Variants in UBE4B observed in about 807,000 individuals in gnomAD.
UBE4B encodes ubiquitin conjugation factor E4 B.
Under a neutral mutation model 148.1 loss-of-function variants are expected in UBE4B, and 27 were observed. The observed-to-expected ratio is 0.18, with a 90% CI of 0.13 to 0.25. The LOEUF is 0.25. Among genes scored for constraint, UBE4B ranks in the 10% least tolerant of loss-of-function variants. The probability of loss-of-function intolerance (pLI) is 1.00; values close to 1 mark genes in which losing one functional copy is unlikely to be tolerated. For synonymous variants in UBE4B, 596 were observed against 619.3 expected (o/e 0.96, Z 0.56); for missense variants, 1,170 against 1,662.4 (o/e 0.70, Z 5.15).
intron 7 of UBE4B, among the ~76,000 whole-genome samples, chr1:10,113,188 G>T (rs1267282940): frequency 1.3e-5 from 2 of 152,172 alleles, no homozygotes; most frequent in Non-Finnish European, 2.9e-5. Context: ...CAGGTCACAT[G>T]GCGAGAGCAG....
intron 11 of UBE4B, among the ~76,000 whole-genome samples, chr1:10,127,513 C>G (rs1228193678): frequency 6.6e-6 from 1 of 152,126 alleles, no homozygotes; most frequent in Non-Finnish European, 1.5e-5. Context: ...TCTGAATTCG[C>G]TTATTTGAAA....
At chr1:10,044,590 C>G (rs1469718583) in intron 1 of UBE4B, among the ~76,000 whole-genome samples, 1 of 151,750 alleles carries the variant, frequency 6.6e-6, no homozygotes, top group Non-Finnish European at 1.5e-5. Flanking sequence ...CTCTCCTTCC[C>G]TCCTTCCACC....
chr1:10,153,490 T>TAAAAAAAAAAAA (rs1045427991), intron 21 of UBE4B, among the ~76,000 whole-genome samples: 19 of 49,196 alleles, frequency 3.9e-4, no homozygotes, highest in African/African-American at 1.6e-3. Flanking sequence ...ACCCTGTTTC[T>TAAAAAAAAAAAA]AAAAAAAAAA....
intron 3 of UBE4B, among the ~76,000 whole-genome samples, chr1:10,100,244 C>T (rs1287667311): frequency 2.0e-5 from 3 of 152,302 alleles, no homozygotes; most frequent in South Asian, 4.1e-4. Flanking sequence ...CCACCTCGGC[C>T]TCCCAAAGTG....
At chr1:10,104,817 T>A (rs187644453) in intron 5 of UBE4B, among the ~76,000 whole-genome samples, 153 of 152,248 alleles carry the variant, frequency 1.0e-3, no homozygotes, top group African/African-American at 3.5e-3. Context: ...GTCTTACACA[T>A]GTTAAGTGGC....
chr1:10,085,688 G>C (rs1310916157), intron 2 of UBE4B, among the ~76,000 whole-genome samples: 1 of 152,150 alleles, frequency 6.6e-6, no homozygotes, highest in Non-Finnish European at 1.5e-5. Context: ...ATTTTACAGA[G>C]AAACTGAGGT....
intron 11 of UBE4B, 135 bp downstream of exon 11, chr1:10,127,012 C>T: frequency 1.3e-6 from 1 of 776,390 alleles, no homozygotes; most frequent in Non-Finnish European, 2.1e-6. Flanking sequence ...CTGTGTTGGC[C>T]ATGCAGAGTG....
At chr1:10,145,240 A>G (rs980059327) in intron 18 of UBE4B, 21 of 412,196 alleles carry the variant, frequency 5.1e-5, no homozygotes, top group Middle Eastern at 1.3e-3. Context: ...AGGACAGAAT[A>G]TGGATAGATA....
At chr1:10,033,738 G>T (rs777653966) in intron 1 of UBE4B, 44 bp downstream of exon 1, 2 of 1,522,990 alleles carry the variant, frequency 1.3e-6, no homozygotes, top group Non-Finnish European at 1.8e-6. Context: ...TTGGCAACTC[G>T]TTAGCGCTTT....
intron 2 of UBE4B, among the ~76,000 whole-genome samples, chr1:10,075,146 G>GT (rs1644556686): frequency 6.6e-6 from 1 of 152,268 alleles, no homozygotes; most frequent in African/African-American, 2.4e-5. Context: ...GGTTAGAACT[G>GT]TTTATCTCTG....
At chr1:10,130,425 C>A in intron 12 of UBE4B, 75 bp from the exon 13 acceptor site, 1 of 1,184,924 alleles carries the variant, frequency 8.4e-7, no homozygotes, top group Non-Finnish European at 1.2e-6. Flanking sequence ...TACAGAGGAG[C>A]TGGAGAGTTT....
chr1:10,111,186 C>G (rs780829762), intron 7 of UBE4B, among the ~76,000 whole-genome samples: 12 of 150,816 alleles, frequency 8.0e-5, no homozygotes, highest in Non-Finnish European at 1.8e-4. Flanking sequence ...TCTACAAGGC[C>G]CTGCATCTCA....
At chr1:10,045,737 C>T (rs1028075875) in intron 1 of UBE4B, among the ~76,000 whole-genome samples, 1 of 151,990 alleles carries the variant, frequency 6.6e-6, no homozygotes, top group African/African-American at 2.4e-5. Flanking sequence ...GTGGGGGCCA[C>T]CAACTGGGGT....
intron 1 of UBE4B, among the ~76,000 whole-genome samples, chr1:10,064,832 C>T (rs2101819373): frequency 6.6e-6 from 1 of 150,902 alleles, no homozygotes; most frequent in South Asian, 2.1e-4. Context: ...GGTGCAATCT[C>T]TGCTCACTGC....
chr1:10,072,361 C>A, intron 2 of UBE4B, 147 bp downstream of exon 2: 1 of 945,120 alleles, frequency 1.1e-6, no homozygotes, highest in Non-Finnish European at 1.6e-6. Flanking sequence ...AATATCATTG[C>A]AATGTGTTGT....
intron 1 of UBE4B, among the ~76,000 whole-genome samples, chr1:10,067,401 TA>T (rs1364519066): frequency 2.6e-5 from 4 of 151,970 alleles, no homozygotes; most frequent in East Asian, 1.9e-4. Flanking sequence ...CTCTGTGAGA[TA>T]GGGGAAAACA....
chr1:10,176,018 C>T (rs867132024), intron 25 of UBE4B, among the ~76,000 whole-genome samples: 4 of 152,208 alleles, frequency 2.6e-5, no homozygotes, highest in Non-Finnish European at 4.4e-5. Flanking sequence ...CTGGCAACCA[C>T]AAATCTGCTG....
chr1:10,078,183 A>G (rs1644616186), intron 2 of UBE4B, among the ~76,000 whole-genome samples: 1 of 151,848 alleles, frequency 6.6e-6, no homozygotes, highest in South Asian at 2.1e-4. Flanking sequence ...TAATTTTTGT[A>G]TTTTTAGTAG....
chr1:10,034,223 C>T (rs1440213613), intron 1 of UBE4B, among the ~76,000 whole-genome samples: 3 of 152,154 alleles, frequency 2.0e-5, no homozygotes, highest in Non-Finnish European at 4.4e-5. Flanking sequence ...TATGTATCTT[C>T]TCCACAGTTT....
Sources: allele counts gnomAD v4.1 joint callset (sites outside exome capture counted in the v4.1 genomes callset), GRCh38; gene constraint gnomAD v4.1.1; transcripts MANE v1.5; gene names NCBI Gene and HGNC (gene_info 2026-07-23, HGNC 2026-07-21).